Variants in KIF16B observed in about 807,000 individuals in gnomAD.
KIF16B encodes kinesin-like protein KIF16B.
KIF16B carries 98 observed loss-of-function variants against 156.3 expected under a neutral mutation model. That is an observed-to-expected ratio of 0.63 (90% confidence interval 0.53 to 0.74). KIF16B has a LOEUF of 0.74. Among genes scored for constraint, KIF16B ranks in the 30% least tolerant of loss-of-function variants. The pLI is 0.00. For missense variants in KIF16B, 1,421 were observed against 1,606.5 expected, an observed-to-expected ratio of 0.88 and a Z score of 1.97; for synonymous variants, 564 against 583.7, an observed-to-expected ratio of 0.97 and a Z score of 0.49.
At chr20:16,530,244 C>T (rs2069693949) in intron 1 of KIF16B, among the ~76,000 whole-genome samples, 1 of 152,176 alleles carries the variant, frequency 6.6e-6, no homozygotes, top group Non-Finnish European at 1.5e-5. Flanking sequence ...CCAGTGATTG[C>T]CCGGCACTCA....
intron 15 of KIF16B, among the ~76,000 whole-genome samples, chr20:16,418,806 T>C (rs924698741): frequency 6.6e-6 from 1 of 152,160 alleles, no homozygotes; most frequent in Non-Finnish European, 1.5e-5. Flanking sequence ...CTATAGCTTA[T>C]TAAACATGCA....
chr20:16,445,032 A>C (rs1201044119), intron 12 of KIF16B, among the ~76,000 whole-genome samples: 1 of 152,130 alleles, frequency 6.6e-6, no homozygotes, highest in East Asian at 1.9e-4. Flanking sequence ...GAACGGAAAA[A>C]GGGAAATACG....
chr20:16,487,968 A>G (rs2068171935), intron 12 of KIF16B, among the ~76,000 whole-genome samples: 1 of 152,198 alleles, frequency 6.6e-6, no homozygotes, highest in Non-Finnish European at 1.5e-5. Context: ...AACAACTTCA[A>G]TCCAACTTAT....
rs1438206501 is a variant in KIF16B at position 16,325,635 on chromosome 20, G to T, written c.3711+10291C>A. 2.7e-5 allele frequency among the ~76,000 whole-genome samples: 4 copies of T among 150,904 alleles called. No homozygotes were observed. The East Asian group carries it at 7.8e-4, about 29-fold the overall frequency. On this transcript the variant is annotated intron_variant, in intron 24 of 25. Transcript: ENST00000354981. ...GGAAAACTACAAAACACTGCTGAAA[G>T]AAATTATAGATGACACAAACAAATG...
chr20:16,525,362 T>C (rs1428609401), intron 3 of KIF16B, among the ~76,000 whole-genome samples: 1 of 152,148 alleles, frequency 6.6e-6, no homozygotes, highest in Non-Finnish European at 1.5e-5. Flanking sequence ...CAATGAAGCC[T>C]GCGTTTTTCC....
intron 3 of KIF16B, 97 bp from the exon 4 acceptor site, chr20:16,515,761 T>A: frequency 1.5e-6 from 1 of 687,896 alleles, no homozygotes; most frequent in Non-Finnish European, 2.6e-6. Context: ...TACTTTCAGC[T>A]CTTAAGGATT....
At chr20:16,393,985 G>A (rs915369068) in intron 17 of KIF16B, among the ~76,000 whole-genome samples, 25 of 152,178 alleles carry the variant, frequency 1.6e-4, no homozygotes, top group Non-Finnish European at 1.8e-4. Flanking sequence ...CTAATCAAAT[G>A]AGTTAACAAA....
chr20:16,495,060 C>A (rs1405935548), intron 11 of KIF16B, among the ~76,000 whole-genome samples: 2 of 149,304 alleles, frequency 1.3e-5, no homozygotes, highest in African/African-American at 4.9e-5. Context: ...TAGGATTCAA[C>A]AGGAAACAAA....
intron 19 of KIF16B, among the ~76,000 whole-genome samples, chr20:16,377,742 G>C (rs912510229): frequency 1.3e-5 from 2 of 152,154 alleles, no homozygotes; most frequent in African/African-American, 4.8e-5. Flanking sequence ...GCATCACCCA[G>C]GTGGCTGTTG....
intron 12 of KIF16B, among the ~76,000 whole-genome samples, chr20:16,473,599 C>A (rs2067725073): frequency 6.6e-6 from 1 of 152,142 alleles, no homozygotes. Context: ...AAACTATATT[C>A]CCACCTCAAC....
intron 12 of KIF16B, among the ~76,000 whole-genome samples, chr20:16,485,907 A>G (rs926121150): frequency 1.3e-5 from 2 of 152,160 alleles, no homozygotes; most frequent in Non-Finnish European, 2.9e-5. Context: ...ATATACATAT[A>G]TATGTGTATA....
At chr20:16,362,749 A>G (rs929925809) in intron 22 of KIF16B, among the ~76,000 whole-genome samples, 2 of 152,160 alleles carry the variant, frequency 1.3e-5, no homozygotes, top group African/African-American at 4.8e-5. Flanking sequence ...GTGAATTCCT[A>G]CATTCCAGTA....
At chr20:16,468,467 T>C (rs1040402979) in intron 12 of KIF16B, among the ~76,000 whole-genome samples, 4 of 149,980 alleles carry the variant, frequency 2.7e-5, no homozygotes, top group Non-Finnish European at 5.9e-5. Context: ...TCCCAGCTAC[T>C]TGGGAGGCTG....
intron 8 of KIF16B, 51 bp downstream of exon 8, chr20:16,505,969 CAT>C: frequency 1.2e-5 from 20 of 1,608,588 alleles, no homozygotes; most frequent in Non-Finnish European, 1.7e-5. Context: ...AAATATTACA[CAT>C]GAGGAAAAAG....
At chr20:16,414,327 C>T (rs1031384172) in intron 15 of KIF16B, among the ~76,000 whole-genome samples, 10 of 152,182 alleles carry the variant, frequency 6.6e-5, no homozygotes, top group African/African-American at 1.9e-4. Context: ...GAATGACAGG[C>T]ACTCTGCAAC....
chr20:16,544,620 A>AAG (rs1555798826), intron 1 of KIF16B, among the ~76,000 whole-genome samples: 1 of 151,120 alleles, frequency 6.6e-6, no homozygotes, highest in African/African-American at 2.4e-5. Context: ...AAAAAAAAAA[A>AAG]AAAAAAAAAA....
chr20:16,363,484 C>A (rs550330335), intron 22 of KIF16B, among the ~76,000 whole-genome samples: 8 of 152,150 alleles, frequency 5.3e-5, no homozygotes, highest in Non-Finnish European at 1.2e-4. Context: ...AAATTAATTG[C>A]CGGTCCTAAT....
chr20:16,363,718 T>C (rs117020511), intron 22 of KIF16B, among the ~76,000 whole-genome samples: 3,811 of 152,300 alleles, frequency 0.025, 57 homozygotes, highest in Middle Eastern at 0.044. Context: ...AAATGATATG[T>C]GTGGAGCAGA....
chr20:16,506,758 C>T (rs1457660771), intron 7 of KIF16B, among the ~76,000 whole-genome samples: 3 of 152,074 alleles, frequency 2.0e-5, no homozygotes, highest in African/African-American at 4.8e-5. Context: ...ATGCGCCCCC[C>T]GCCAGATTAC....
Sources: gnomAD v4.1 joint callset for allele counts (sites outside exome capture counted in the v4.1 genomes callset) on GRCh38, gnomAD v4.1.1 for gene constraint, MANE v1.5 for transcripts, NCBI Gene and HGNC (gene_info 2026-07-23, HGNC 2026-07-21) for gene names.